RPTOR: variants seen among roughly 807,000 people sequenced by gnomAD.
The protein encoded by RPTOR is regulatory-associated protein of mTOR.
RPTOR carries 21 observed loss-of-function variants against 169.9 expected under a neutral mutation model. The ratio of observed to expected loss-of-function variants is 0.12; its 90% CI spans 0.09 to 0.18. The LOEUF (loss-of-function observed/expected upper bound fraction) is 0.18. Among genes scored for constraint, RPTOR ranks in the 10% least tolerant of loss-of-function variants. The pLI is 1.00. For missense variants in RPTOR, 1,133 were observed against 1,855.9 expected, an observed-to-expected ratio of 0.61 and a Z score of 7.16; for synonymous variants, 732 against 753.2, an observed-to-expected ratio of 0.97 and a Z score of 0.46.
rs193192564 is a variant in RPTOR at position 80,627,339 on chromosome 17, G to A, written c.265+1546G>A. On this transcript the variant is annotated intron_variant, in intron 2 of 33. Transcript: ENST00000306801. ...CCGGCCAAGATACAATTTATATACA[G>A]TAAAGTTCACATTTTTTAGCTGTAC... Among the ~76,000 whole-genome samples the A allele has an allele frequency of 3.9e-5, 6 of 152,000 alleles. No homozygotes were observed. In the East Asian group the frequency reaches 1.2e-3, roughly 30 times the overall value.
chr17:80,743,085 G>C (rs529201761), intron 5 of RPTOR, among the ~76,000 whole-genome samples: 2 of 152,066 alleles, frequency 1.3e-5, no homozygotes, highest in Admixed American at 6.5e-5. Context: ...TTGTCTTTGC[G>C]CACTGGGAAT....
chr17:80,734,566 G>A (rs2066419279), intron 5 of RPTOR, among the ~76,000 whole-genome samples: 1 of 152,326 alleles, frequency 6.6e-6, no homozygotes, highest in Non-Finnish European at 1.5e-5. Context: ...AGGTCTCTGA[G>A]GCAAATGATG....
intron 33 of RPTOR, among the ~76,000 whole-genome samples, chr17:80,963,342 G>T (rs1009455880): frequency 1.3e-5 from 2 of 151,994 alleles, no homozygotes; most frequent in Non-Finnish European, 2.9e-5. Context: ...AGCCATCCCT[G>T]GGGACCTCCA....
intron 1 of RPTOR, among the ~76,000 whole-genome samples, chr17:80,576,182 T>C (rs2064961632): frequency 6.6e-6 from 1 of 152,248 alleles, no homozygotes; most frequent in South Asian, 2.1e-4. Context: ...GTTGGAGCAC[T>C]TAGTCTACTT....
chr17:80,932,828 C>T (rs1401479355), intron 24 of RPTOR, among the ~76,000 whole-genome samples: 1 of 152,182 alleles, frequency 6.6e-6, no homozygotes, highest in African/African-American at 2.4e-5. Context: ...TGCACACACA[C>T]ATATACACAC....
At chr17:80,663,074 ATTC>A (rs1051156050) in intron 3 of RPTOR, among the ~76,000 whole-genome samples, 1 of 152,084 alleles carries the variant, frequency 6.6e-6, no homozygotes, top group Admixed American at 6.5e-5. Flanking sequence ...CATGTGATGT[ATTC>A]TTTTGCTCTT....
intron 7 of RPTOR, among the ~76,000 whole-genome samples, chr17:80,811,247 G>T (rs1052579124): frequency 1.3e-5 from 2 of 152,166 alleles, no homozygotes. Context: ...TTATCAGGTT[G>T]AGGAAGTGCG....
chr17:80,891,575 A>T (rs182209701), intron 17 of RPTOR, 145 bp from the exon 18 acceptor site: 5 of 661,086 alleles, frequency 7.6e-6, no homozygotes, highest in South Asian at 7.3e-5. Context: ...TGACGGTTCG[A>T]AAAGGGATGG....
intron 6 of RPTOR, among the ~76,000 whole-genome samples, chr17:80,778,256 A>G (rs1281243254): frequency 6.6e-6 from 1 of 152,178 alleles, no homozygotes; most frequent in East Asian, 1.9e-4. Flanking sequence ...ATAAAAATTG[A>G]TGTCAGATAG....
chr17:80,736,659 G>A (rs920776000), intron 5 of RPTOR, among the ~76,000 whole-genome samples: 1 of 152,180 alleles, frequency 6.6e-6, no homozygotes, highest in African/African-American at 2.4e-5. Context: ...TGCTACTCTT[G>A]TAGACAGGCA....
At chr17:80,885,821 G>A (rs149421099) in intron 17 of RPTOR, among the ~76,000 whole-genome samples, 2 of 152,210 alleles carry the variant, frequency 1.3e-5, no homozygotes, top group African/African-American at 2.4e-5. Flanking sequence ...GATTACAGGC[G>A]TGAGCCACCG....
chr17:80,694,433 C>G (rs1288789814), intron 3 of RPTOR, among the ~76,000 whole-genome samples: 2 of 152,218 alleles, frequency 1.3e-5, no homozygotes, highest in Non-Finnish European at 2.9e-5. Flanking sequence ...CACAGTCGCA[C>G]AATCTCTCAG....
rs975151623 is a variant in RPTOR at position 80,959,426 on chromosome 17, G to A, written c.3478-652G>A. 4.6e-5 allele frequency among the ~76,000 whole-genome samples: 7 copies of A among 152,152 alleles called. No individual in the cohort carries two copies. Among genetic ancestry groups the A allele is most frequent in the African/African-American group, 1.4e-4 (6 of 41,434 alleles). ...GCTCCCAGAGCCGGCTCTGCCCCTC[G>A]CAGGGGTCTGGCCCCATCATCCCCA... On this transcript the variant is annotated intron_variant, in intron 29 of 33. Coordinates refer to ENST00000306801, the MANE Select transcript of RPTOR (RefSeq NM_020761.3). This position sits in a 1 kb window ranked among gnomAD's most constrained non-coding sequence, Gnocchi z 6.7.
intron 17 of RPTOR, among the ~76,000 whole-genome samples, chr17:80,890,130 G>A (rs1480101643): frequency 2.6e-5 from 4 of 152,028 alleles, no homozygotes; most frequent in Non-Finnish European, 4.4e-5. Flanking sequence ...ATGTGTGTTC[G>A]GGAGTGAGTG....
At chr17:80,774,435 T>G in intron 6 of RPTOR, 1 of 824,720 alleles carries the variant, frequency 1.2e-6, no homozygotes, top group African/African-American at 1.8e-5. Context: ...AAAGCAGACG[T>G]AGTGCATAAA....
intron 13 of RPTOR, among the ~76,000 whole-genome samples, chr17:80,870,400 G>A (rs531207599): frequency 6.6e-6 from 1 of 152,332 alleles, no homozygotes; most frequent in East Asian, 1.9e-4. Flanking sequence ...TCTCCTACCC[G>A]TGCTCAAATT....
At chr17:80,634,252 A>G (rs62068346) in intron 2 of RPTOR, among the ~76,000 whole-genome samples, 84,001 of 111,526 alleles carry the variant, frequency 0.75, 31,275 homozygotes, top group African/African-American at 0.86. Context: ...TGCATACTGT[A>G]TGCGTGCATA....
rs754092260 is a variant in RPTOR, at chr17:80,923,535, C to T, written c.2670C>T (p.Asn890=). ...ASSTSSSSLT[N]DVAKQPVSRD... is the part of the protein sequence containing the mutation. Reference sequence around the variant, plus strand: ...GCACCAGCAGCTCCAGCCTGACCAACGATGTGGCCAAGCAGCCGGTCAGCC... The same window carrying T: ...GCACCAGCAGCTCCAGCCTGACCAATGATGTGGCCAAGCAGCCGGTCAGCC... Residue 890 remains asparagine, a synonymous_variant, in exon 23 of 34, where the codon AAC becomes AAT. Coordinates refer to ENST00000306801, the MANE Select transcript of RPTOR (RefSeq NM_020761.3). 9.3e-6 allele frequency: 15 copies of T among 1,613,372 alleles called. No individual in the cohort carries two copies. Among genetic ancestry groups the T allele is most frequent in the Middle Eastern group, 1.6e-4 (1 of 6,062 alleles).
At chr17:80,939,014 C>A (rs1318756369) in intron 24 of RPTOR, among the ~76,000 whole-genome samples, 3 of 152,240 alleles carry the variant, frequency 2.0e-5, no homozygotes, top group Non-Finnish European at 4.4e-5. Flanking sequence ...ATTCCCATTT[C>A]TTCTATCAGA....
Sources: gnomAD v4.1 joint callset for allele counts (sites outside exome capture counted in the v4.1 genomes callset) on GRCh38, gnomAD v4.1.1 for gene constraint, Gnocchi (gnomAD v3.1) non-coding constraint, MANE v1.5 for transcripts, NCBI Gene and HGNC (gene_info 2026-07-23, HGNC 2026-07-21) for gene names.